The following RAD51B variants were observed in gnomAD, a reference collection of about 807,000 sequenced individuals.
RAD51B encodes the protein DNA repair protein RAD51 homolog 2.
A neutral mutation model predicts 42.2 loss-of-function variants in RAD51B; 38 were observed. That is an observed-to-expected ratio of 0.90 (90% CI 0.70 to 1.18). RAD51B has a LOEUF of 1.18. Ranked by LOEUF, RAD51B falls within the 50% of genes most tolerant of loss-of-function variation. RAD51B has a pLI of 0.00. For missense variants in RAD51B, 373 were observed against 400.7 expected, an observed-to-expected ratio of 0.93 and a Z score of 0.59; for synonymous variants, 154 against 145.2, an observed-to-expected ratio of 1.06 and a Z score of -0.43.
chr14:67,961,142 G>A (rs1169305393), intron 7 of RAD51B, among the ~76,000 whole-genome samples: 2 of 151,680 alleles, frequency 1.3e-5, no homozygotes, highest in Non-Finnish European at 2.9e-5. Context: ...GAGTAGCTGG[G>A]GCCACAGGTG....
At chr14:67,965,067 G>A (rs1290383601) in intron 7 of RAD51B, among the ~76,000 whole-genome samples, 1 of 152,116 alleles carries the variant, frequency 6.6e-6, no homozygotes, top group Middle Eastern at 3.2e-3. Context: ...GAGAAAATTG[G>A]CAAACAAGAT....
chr14:68,009,166 T>C (rs746474890), intron 7 of RAD51B, among the ~76,000 whole-genome samples: 2 of 151,996 alleles, frequency 1.3e-5, no homozygotes, highest in Non-Finnish European at 2.9e-5. Flanking sequence ...TCAATCTTAT[T>C]TTGCATCCCC....
At chr14:68,562,053 C>A in intron 10 of RAD51B, 1 of 985,386 alleles carries the variant, frequency 1.0e-6, no homozygotes, top group South Asian at 4.7e-5. Flanking sequence ...CAGAATTAGA[C>A]CACATGAATA....
intron 9 of RAD51B, among the ~76,000 whole-genome samples, chr14:68,451,763 G>A (rs17093647): frequency 0.048 from 7,295 of 152,278 alleles, 541 homozygotes; most frequent in African/African-American, 0.16. Flanking sequence ...CAGGGCCAGG[G>A]ATGTGGTACA....
At chr14:68,226,152 T>C (rs993746036) in intron 7 of RAD51B, among the ~76,000 whole-genome samples, 1 of 152,194 alleles carries the variant, frequency 6.6e-6, no homozygotes, top group African/African-American at 2.4e-5. Flanking sequence ...CAAGGGAACT[T>C]GATTGCTGTC....
intron 10 of RAD51B, among the ~76,000 whole-genome samples, chr14:68,476,045 GAAA>G (rs35479070): frequency 5.5e-4 from 70 of 127,704 alleles, no homozygotes; most frequent in East Asian, 1.7e-3. Flanking sequence ...ATATAAGGCT[GAAA>G]AAAAAAAAAA....
chr14:67,952,386 A>G (rs1016466760), intron 7 of RAD51B, among the ~76,000 whole-genome samples: 51 of 152,298 alleles, frequency 3.3e-4, no homozygotes, highest in African/African-American at 1.2e-3. Flanking sequence ...ATATTAATGA[A>G]CGGACAGATA....
chr14:68,366,350 G>A (rs148072726), intron 8 of RAD51B, among the ~76,000 whole-genome samples: 304 of 152,290 alleles, frequency 2.0e-3, no homozygotes, highest in Non-Finnish European at 2.8e-3. Flanking sequence ...TGTACCAGTC[G>A]TAGCTAAAGC....
At chr14:67,897,307 T>A (rs539593317) in intron 7 of RAD51B, among the ~76,000 whole-genome samples, 5 of 151,790 alleles carry the variant, frequency 3.3e-5, no homozygotes, top group Admixed American at 1.3e-4. Context: ...AACAAACAAC[T>A]CACGAAATAG....
At chr14:68,124,648 A>G (rs904541499) in intron 7 of RAD51B, among the ~76,000 whole-genome samples, 1 of 152,170 alleles carries the variant, frequency 6.6e-6, no homozygotes, top group Non-Finnish European at 1.5e-5. Context: ...GATGAGATAT[A>G]TACAGTTGAA....
rs1034606018 is a variant in RAD51B at position 67,931,579 on chromosome 14, T to G, written c.756+44375T>G. Reference sequence around the variant, plus strand: ...GGGCAATGGCACAACCTCAGCTCACTGCAACCTCTGCCTCCCGGGTTCAAG... The same window carrying G: ...GGGCAATGGCACAACCTCAGCTCACGGCAACCTCTGCCTCCCGGGTTCAAG... On this transcript the variant is annotated intron_variant, in intron 7 of 10. Transcript: ENST00000471583. Among the ~76,000 whole-genome samples, 4 of 149,624 alleles carry G rather than the reference T, an allele frequency of 2.7e-5. No homozygotes were observed. In the South Asian group the frequency reaches 8.7e-4, roughly 33 times the overall value.
At chr14:68,605,498 A>C (rs1891410102) in intron 10 of RAD51B, among the ~76,000 whole-genome samples, 1 of 152,184 alleles carries the variant, frequency 6.6e-6, no homozygotes. Flanking sequence ...CTAAAACCCG[A>C]CTGGCTAACA....
At chr14:67,914,586 TTATTA>T (rs1295974382) in intron 7 of RAD51B, among the ~76,000 whole-genome samples, 2 of 152,216 alleles carry the variant, frequency 1.3e-5, no homozygotes, top group African/African-American at 4.8e-5. Flanking sequence ...ATATTTTCTT[TTATTA>T]TGTCTAAATT....
At chr14:68,588,517 A>G (rs541024855) in intron 10 of RAD51B, among the ~76,000 whole-genome samples, 16 of 152,322 alleles carry the variant, frequency 1.1e-4, no homozygotes, top group African/African-American at 3.1e-4. Flanking sequence ...GTGCCCCCAG[A>G]GGGACCAAGC....
chr14:68,043,168 T>C (rs1010341205), intron 7 of RAD51B, among the ~76,000 whole-genome samples: 1 of 152,246 alleles, frequency 6.6e-6, no homozygotes, highest in Non-Finnish European at 1.5e-5. Flanking sequence ...TTGGTGGTTC[T>C]TGACCTTTGA....
chr14:67,914,911 G>C (rs1314635704), intron 7 of RAD51B, among the ~76,000 whole-genome samples: 1 of 152,100 alleles, frequency 6.6e-6, no homozygotes, highest in Non-Finnish European at 1.5e-5. Context: ...TCTTTTTGTC[G>C]GGGATGCCAC....
chr14:67,893,157 A>T (rs1363700140), intron 7 of RAD51B, among the ~76,000 whole-genome samples: 5 of 152,016 alleles, frequency 3.3e-5, no homozygotes, highest in Admixed American at 3.3e-4. Flanking sequence ...AACTGGCAAG[A>T]TGTATTGTAG....
chr14:68,228,496 A>G (rs1282763959), intron 7 of RAD51B, among the ~76,000 whole-genome samples: 1 of 152,132 alleles, frequency 6.6e-6, no homozygotes, highest in Non-Finnish European at 1.5e-5. Context: ...CAGTGTGAAA[A>G]TTTGCTGAAA....
chr14:67,893,429 A>G (rs1035925882), intron 7 of RAD51B, among the ~76,000 whole-genome samples: 3 of 150,594 alleles, frequency 2.0e-5, no homozygotes, highest in African/African-American at 7.3e-5. Context: ...AGACTGTGCA[A>G]CATAGCAAGA....
Sources: allele counts gnomAD v4.1 joint callset (sites outside exome capture counted in the v4.1 genomes callset), GRCh38; gene constraint gnomAD v4.1.1; transcripts MANE v1.5; gene names NCBI Gene and HGNC (gene_info 2026-07-23, HGNC 2026-07-21).